Variants in FCGR2A observed in about 807,000 individuals in gnomAD.
FCGR2A encodes Fc gamma receptor IIa, also known as low affinity immunoglobulin gamma Fc region receptor II-a.
In FCGR2A, 18 loss-of-function variants were observed where a neutral mutation model predicts 29.3. The ratio of observed to expected loss-of-function variants is 0.62; its 90% confidence interval spans 0.43 to 0.91. The LOEUF is 0.91. Among genes scored for constraint, FCGR2A ranks in the 40% least tolerant of loss-of-function variants. The probability of loss-of-function intolerance (pLI) is 0.00; values close to 1 mark genes in which losing one functional copy is unlikely to be tolerated. For synonymous variants in FCGR2A, 126 were observed against 144.8 expected, an observed-to-expected ratio of 0.87 and a Z score of 0.93; for missense variants, 287 against 393.0, an observed-to-expected ratio of 0.73 and a Z score of 2.28.
intron 2 of FCGR2A, 156 bp from the exon 3 acceptor site, chr1:161,506,178 C>T: frequency 1.6e-6 from 2 of 1,274,314 alleles, no homozygotes; most frequent in Non-Finnish European, 2.3e-6. Flanking sequence ...CTTAGATCCA[C>T]TGAAGACCCA....
chr1:161,521,662 T>A (rs1348388547), downstream of FCGR2A, among the ~76,000 whole-genome samples: 2 of 151,980 alleles, frequency 1.3e-5, no homozygotes, highest in Non-Finnish European at 2.9e-5. Flanking sequence ...GCTGTTCTTG[T>A]GATAGTGAAT....
At position 161,510,874 on chromosome 1, in the gene FCGR2A, G is replaced by A; in HGVS notation, c.660G>A (p.Val220=). 1 of 1,614,190 alleles carries A rather than the reference G, an allele frequency of 6.2e-7. No individual in the cohort carries two copies. Among genetic ancestry groups the A allele is most frequent in the Middle Eastern group, 1.6e-4 (1 of 6,062 alleles). ...GCTCTTCACCAATGGGGATCATTGT[G>A]GCTGTGGTCATTGCGACTGCTGTAG... is the stretch of plus-strand genomic sequence containing the variant. The part of the protein sequence containing the change: ...MGSSSPMGII[V]AVVIATAVAA... Residue 220 remains valine, a synonymous_variant, in exon 5 of 7, where the codon GTG becomes GTA. Coordinates refer to ENST00000271450, the MANE Select transcript of FCGR2A (RefSeq NM_001136219.3).
chr1:161,509,127 C>T (rs980914528), intron 3 of FCGR2A, among the ~76,000 whole-genome samples: 6 of 152,204 alleles, frequency 3.9e-5, no homozygotes, highest in Non-Finnish European at 7.3e-5. Flanking sequence ...AAGGCCTCTT[C>T]CGCCATGTGA....
intron 6 of FCGR2A, among the ~76,000 whole-genome samples, chr1:161,516,398 A>G (rs1000398158): frequency 9.2e-5 from 14 of 152,196 alleles, no homozygotes; most frequent in African/African-American, 3.4e-4. Flanking sequence ...GTAACAGGAC[A>G]TAATTGGGCA....
chr1:161,515,705 A>G (rs1236664582), intron 6 of FCGR2A, among the ~76,000 whole-genome samples: 1 of 152,134 alleles, frequency 6.6e-6, no homozygotes. Flanking sequence ...ACAAATATCA[A>G]TAAAAAGTGC....
chr1:161,509,711 T>G, intron 3 of FCGR2A, 109 bp from the exon 4 acceptor site: 1 of 1,400,420 alleles, frequency 7.1e-7, no homozygotes, highest in African/African-American at 1.4e-5. Context: ...CATCTTCATT[T>G]CTGTCTGCCA....
downstream of FCGR2A, among the ~76,000 whole-genome samples, chr1:161,522,452 G>A (rs1222649522): frequency 6.6e-6 from 1 of 152,026 alleles, no homozygotes; most frequent in African/African-American, 2.4e-5. Context: ...GGGTAAGTGG[G>A]GTTTTGAGGT....
chr1:161,505,894 C>A, intron 1 of FCGR2A, 93 bp from the exon 2 acceptor site: 2 of 1,264,490 alleles, frequency 1.6e-6, no homozygotes, highest in Non-Finnish European at 2.3e-6. Context: ...GAAGGAAGAG[C>A]CCAAGCTCAC....
rs55919520 is a variant in FCGR2A at position 161,510,080 on chromosome 1, G to A, written c.619+6G>A. 5.4e-4 allele frequency: 879 copies of A among 1,613,068 alleles called. 1 individual carries two copies. The highest frequency in any genetic ancestry group is 1.1e-3 in the South Asian group (102 of 91,032). On this transcript the variant is annotated splice_donor_region_variant and intron_variant, in intron 4 of 6. Transcript: ENST00000271450. Reference sequence around the variant, plus strand: ...TGTGACCATCACTGTCCAAGGTATGGGGAGTCTGCCAAGATGTAGGGAGGG... The same window carrying A: ...TGTGACCATCACTGTCCAAGGTATGAGGAGTCTGCCAAGATGTAGGGAGGG...
rs567830397 is a variant in FCGR2A, at chr1:161,515,629, A to T, written c.780+1697A>T. ...ACAAGCTTCAGCAAAATGACTCATCAAAAAGAAAAAAGGAGGAATTTTTTA... is the reference window on the plus strand; with the variant it reads ...ACAAGCTTCAGCAAAATGACTCATCTAAAAGAAAAAAGGAGGAATTTTTTA... On this transcript the variant is annotated intron_variant, in intron 6 of 6. Transcript: ENST00000271450. Among the ~76,000 whole-genome samples the T allele has an allele frequency of 2.6e-5, 4 of 152,194 alleles. No individual in the cohort carries two copies. In the South Asian group the frequency reaches 8.3e-4, roughly 32 times the overall value.
At chr1:161,510,779 A>G in intron 4 of FCGR2A, 55 bp from the exon 5 acceptor site, 1 of 1,605,996 alleles carries the variant, frequency 6.2e-7, no homozygotes, top group African/African-American at 1.3e-5. Context: ...GAGAATACAA[A>G]CGTTGTCATT....
In FCGR2A at chr1:161,506,512, C is replaced by T. The variant is rs1479018608; in HGVS notation, c.285C>T (p.Asn95=). 3.1e-6 allele frequency: 5 copies of T among 1,614,230 alleles called. No individual in the cohort carries two copies. Residue 95 remains asparagine (N), a synonymous_variant, in exon 3 of 7, where the codon AAC becomes AAT. Coordinates refer to ENST00000271450, the MANE Select transcript of FCGR2A (RefSeq NM_001136219.3). ...HTQPSYRFKA[N]NNDSGEYTCQ... is the part of the protein sequence containing the mutation. ...AGCCCAGCTACAGGTTCAAGGCCAA[C>T]AACAATGACAGCGGGGAGTACACGT...
chr1:161,510,554 G>A (rs540284627), intron 4 of FCGR2A, among the ~76,000 whole-genome samples: 1 of 152,204 alleles, frequency 6.6e-6, no homozygotes, highest in Non-Finnish European at 1.5e-5. Context: ...GGGCTAAGGG[G>A]AATCCTTCCC....
In FCGR2A at chr1:161,509,955, A is replaced by C. The variant is rs1801274; in HGVS notation, c.500A>C (p.His167Pro). The stretch of plus-strand genomic sequence containing the variant: ...AATGGAAAATCCCAGAAATTCTCCC[A>C]TTTGGATCCCACCTTCTCCATCCCA... ...FQNGKSQKFS[H>P]LDPTFSIPQA... The change falls in exon 4 of 7, where the codon CAT (histidine) becomes CCT (proline). Residue 167 changes from histidine (H) to proline (P), a missense_variant. This residue lies in a region of FCGR2A where 181 missense variants were observed against 250.9 expected (regional missense o/e 0.72). Coordinates refer to ENST00000271450, the MANE Select transcript of FCGR2A (RefSeq NM_001136219.3). 1 of 1,613,748 alleles carries C rather than the reference A, an allele frequency of 6.2e-7. No individual in the cohort carries two copies. Among genetic ancestry groups the C allele is most frequent in the Admixed American group, 1.7e-5 (1 of 60,008 alleles).
downstream of FCGR2A, among the ~76,000 whole-genome samples, chr1:161,520,731 C>G (rs1474649357): frequency 1.3e-5 from 2 of 151,968 alleles, no homozygotes; most frequent in Non-Finnish European, 1.5e-5. Context: ...ATCCTATAGT[C>G]TATTCTCACC....
rs745350800 is a variant in FCGR2A at position 161,505,506 on chromosome 1, C to A, written c.39C>A (p.Pro13=). The change falls in exon 1 of 7, where the codon CCC becomes CCA. Residue 13 remains proline, a synonymous_variant. Coordinates refer to ENST00000271450, the MANE Select transcript of FCGR2A (RefSeq NM_001136219.3). ...METQMSQNVC[P]RNLWLLQPLT... Reference sequence around the variant, plus strand: ...CCCAAATGTCTCAGAATGTATGTCCCAGAAACCTGTGGCTGCTTCAACCAT... The same window carrying A: ...CCCAAATGTCTCAGAATGTATGTCCAAGAAACCTGTGGCTGCTTCAACCAT... The A allele has an allele frequency of 6.2e-7, 1 of 1,614,180 alleles. No individual in the cohort carries two copies. Among genetic ancestry groups the A allele is most frequent in the Non-Finnish European group, 8.5e-7 (1 of 1,180,018 alleles).
Position 161,505,523 on chromosome 1 carries a change from T to C in FCGR2A, c.56T>C (p.Leu19Pro), listed in dbSNP as rs773437367. 3.7e-6 allele frequency: 6 copies of C among 1,614,098 alleles called. No individual in the cohort carries two copies. In the Admixed American group the frequency reaches 5.0e-5, roughly 13 times the overall value. Residue 19 changes from leucine to proline, a missense_variant, in exon 1 of 7, where the codon CTT (leucine) becomes CCT (proline). Leu to Pro is a moderately conservative substitution (Grantham distance 98). This residue lies in a region of FCGR2A where 181 missense variants were observed against 250.9 expected (regional missense o/e 0.72). Coordinates refer to ENST00000271450, the MANE Select transcript of FCGR2A (RefSeq NM_001136219.3). ...QNVCPRNLWL[L>P]QPLTVLLLLA... Reference sequence around the variant, plus strand: ...GTATGTCCCAGAAACCTGTGGCTGCTTCAACCATTGACAGTTTTGCTGCTG... The same window carrying C: ...GTATGTCCCAGAAACCTGTGGCTGCCTCAACCATTGACAGTTTTGCTGCTG...
At chr1:161,506,202 G>T in intron 2 of FCGR2A, 132 bp from the exon 3 acceptor site, 1 of 1,351,948 alleles carries the variant, frequency 7.4e-7, no homozygotes, top group Non-Finnish European at 1.0e-6. Flanking sequence ...GAATGAGGCC[G>T]CTGCAAGTAC....
In FCGR2A at chr1:161,509,821, A is replaced by G. The variant is rs1449956923; in HGVS notation, c.366A>G (p.Glu122=). 8.7e-6 allele frequency: 14 copies of G among 1,614,196 alleles called. No individual in the cohort carries two copies. The highest frequency in any genetic ancestry group is 3.3e-5 in the Admixed American group (2 of 60,026). Residue 122 remains glutamate (E), a splice_region_variant and synonymous_variant, in exon 4 of 7, where the codon GAA becomes GAG. Transcript: ENST00000271450. ...TCTTATCATATTTGTGTCTTTCAGA[A>G]TGGCTGGTGCTCCAGACCCCTCACC... The part of the protein sequence containing the change: ...SDPVHLTVLS[E]WLVLQTPHLE...
Sources: allele counts gnomAD v4.1 joint callset (sites outside exome capture counted in the v4.1 genomes callset), GRCh38; gene constraint gnomAD v4.1.1; regional missense constraint gnomAD v4.1.1; transcripts MANE v1.5; gene names NCBI Gene and HGNC (gene_info 2026-07-23, HGNC 2026-07-21).